The following BCORL1 variants were observed in gnomAD, a reference collection of about 807,000 sequenced individuals.
BCORL1 encodes the protein BCL6 corepressor like 1, also known as BCL-6 corepressor-like protein 1.
A neutral mutation model predicts 87.6 loss-of-function variants in BCORL1; 7 were observed. The observed-to-expected ratio is 0.08, with a 90% CI of 0.05 to 0.15. BCORL1 has a LOEUF of 0.15. BCORL1 is among the 10% of genes least tolerant of loss of function. The pLI is 1.00. For missense variants in BCORL1, 1,215 were observed against 1,499.7 expected (o/e 0.81, Z 3.13); for synonymous variants, 591 against 634.4 (o/e 0.93, Z 1.03).
At chrX:130,041,952 G>C (rs1270814909) in intron 11 of BCORL1, among the ~76,000 whole-genome samples, 1 of 111,637 alleles carries the variant, frequency 9.0e-6, no homozygotes, top group Non-Finnish European at 1.9e-5. Context: ...CTTAACTCTA[G>C]TACTTCACAT....
At chrX:130,029,030 A>G (rs1271156930) in intron 8 of BCORL1, among the ~76,000 whole-genome samples, 169 bp downstream of exon 8, 1 of 111,501 alleles carries the variant, frequency 9.0e-6, no homozygotes, top group Non-Finnish European at 1.9e-5. Flanking sequence ...AACTAAAGTT[A>G]TAGTTAATTT....
At position 130,014,929 on chromosome X, in the gene BCORL1, A is replaced by T. The variant is rs372363046; in HGVS notation, c.2157A>T (p.Gly719=). 2 of 1,209,414 alleles carry T rather than the reference A, an allele frequency of 1.7e-6. No homozygotes were observed. Among genetic ancestry groups the T allele is most frequent in the Non-Finnish European group, 2.2e-6 (2 of 895,022 alleles). ...GCACCATTCCTGGCACCTACGTGGG[A>T]GTGGCCAACCCAGTGCCTGCATCCC... ...LISTIPGTYV[G]VANPVPASLL... The change falls in exon 4 of 14, where the codon GGA becomes GGT. Residue 719 remains glycine, a synonymous_variant. Coordinates refer to ENST00000540052, the MANE Select transcript of BCORL1 (RefSeq NM_001379451.1).
At chrX:130,027,348 A>G (rs755357775) in intron 7 of BCORL1, among the ~76,000 whole-genome samples, 8 of 112,674 alleles carry the variant, frequency 7.1e-5, no homozygotes, top group Admixed American at 1.9e-4. Flanking sequence ...TGGACAGGCT[A>G]TGGGGCCCCA....
rs772274388 is a variant in BCORL1 at position 129,987,115 on chromosome X, T to C, written c.-45+4353T>C. Among the ~76,000 whole-genome samples, 6 of 111,952 alleles carry C rather than the reference T, an allele frequency of 5.4e-5. No individual in the cohort carries two copies. The Admixed American group carries it at 5.7e-4, about 11-fold the overall frequency. On this transcript the variant is annotated intron_variant, in intron 1 of 13. Coordinates refer to ENST00000540052, the MANE Select transcript of BCORL1 (RefSeq NM_001379451.1). ...TCAAACCTTGAAATCTCTAGGACAA[T>C]GTTTTCCAAAGTAAACTTTGAAGAA...
At chrX:130,048,961 C>T (rs1931917441) in intron 11 of BCORL1, among the ~76,000 whole-genome samples, 1 of 112,211 alleles carries the variant, frequency 8.9e-6, no homozygotes, top group African/African-American at 3.2e-5. Flanking sequence ...ATATGGGTAG[C>T]ATGTGTCAGA....
At chrX:130,043,782 A>AT (rs1194795876) in intron 11 of BCORL1, among the ~76,000 whole-genome samples, 12 of 20,164 alleles carry the variant, frequency 6.0e-4, no homozygotes, top group African/African-American at 2.1e-3. Flanking sequence ...ATATATATAT[A>AT]TATTTTTTTT....
rs772186754 is a variant in BCORL1 at position 130,046,955 on chromosome X, A to G, written c.4841-3762A>G. 1.1e-4 allele frequency among the ~76,000 whole-genome samples: 10 copies of G among 91,758 alleles called. No homozygotes were observed. In the East Asian group the frequency reaches 3.3e-3, roughly 30 times the overall value. The allele number at this position is 91,758 out of a possible 115,157, so 79.7% of individuals were successfully genotyped here. A position where few individuals can be genotyped will look rare whatever the true frequency, so the allele number is the denominator to read the frequency against. Reference sequence around the variant, plus strand: ...CCCAACCACTAATCTTTCTGTCTCTATGGATTTCCCTATTCTAGACACTTC... The same window carrying G: ...CCCAACCACTAATCTTTCTGTCTCTGTGGATTTCCCTATTCTAGACACTTC... On this transcript the variant is annotated intron_variant, in intron 11 of 13. Coordinates refer to ENST00000540052, the MANE Select transcript of BCORL1 (RefSeq NM_001379451.1).
chrX:130,009,616 C>T (rs768664224), intron 2 of BCORL1, among the ~76,000 whole-genome samples: 17 of 110,350 alleles, frequency 1.5e-4, no homozygotes, highest in Non-Finnish European at 2.1e-4. Context: ...ATTTCTCTTA[C>T]GGGTAGTCTG....
rs997754231 is a variant in BCORL1, at chrX:130,012,839, A to T, written c.178-111A>T. 2.4e-5 allele frequency: 27 copies of T among 1,103,334 alleles called. No individual in the cohort carries two copies. In the East Asian group the frequency reaches 3.0e-4, roughly 12 times the overall value. 90.9% of individuals were successfully genotyped at this position (1,103,334 alleles called of 1,213,427 possible). A position where few individuals can be genotyped will look rare whatever the true frequency, so the allele number is the denominator to read the frequency against. ...CTGGCTGCCCTCTGCGTCTTCCGAG[A>T]CCTGGTTGGTCGAGTTGCAGAGAAG... On this transcript the variant is annotated intron_variant, in intron 3 of 13. Coordinates refer to ENST00000540052, the MANE Select transcript of BCORL1 (RefSeq NM_001379451.1).
Position 130,013,974 on chromosome X carries a change from C to T in BCORL1, c.1202C>T (p.Thr401Met), listed in dbSNP as rs867980318. ...TPAPTPMPAATPAAIPTSAPI... is the reference protein window; with the variant it reads ...TPAPTPMPAAMPAAIPTSAPI... ...GCCCCTACACCCATGCCTGCTGCCACGCCAGCTGCCATTCCCACCTCTGCA... is the reference window on the plus strand; with the variant it reads ...GCCCCTACACCCATGCCTGCTGCCATGCCAGCTGCCATTCCCACCTCTGCA... The change falls in exon 4 of 14, where the codon ACG becomes ATG. Residue 401 changes from threonine (T) to methionine (M), a missense_variant. Thr to Met is a moderately conservative substitution (Grantham distance 81). Coordinates refer to ENST00000540052, the MANE Select transcript of BCORL1 (RefSeq NM_001379451.1). 1.7e-5 allele frequency: 20 copies of T among 1,206,737 alleles called. No homozygotes were observed. The Middle Eastern group carries it at 1.8e-3, about 111-fold the overall frequency.
Position 130,013,835 on chromosome X carries a change from GTGCCCA to G in BCORL1, c.1070_1075del (p.Met357_Pro358del). On this transcript the variant is annotated inframe_deletion, in exon 4 of 14. Transcript: ENST00000540052. Reference sequence around the variant, plus strand: ...TCCAGCGGCCCCTGCCCCTCCGTCTGTGCCCATGCCCACTCCAACCCCATCTTCCGG... The same window carrying G: ...TCCAGCGGCCCCTGCCCCTCCGTCTGTGCCCACTCCAACCCCATCTTCCGG... The G allele has an allele frequency of 8.6e-7, 1 of 1,167,431 alleles. No homozygotes were observed. The highest frequency in any genetic ancestry group is 1.1e-6 in the Non-Finnish European group (1 of 873,754).
At chrX:129,998,681 A>G (rs775301678) in intron 1 of BCORL1, among the ~76,000 whole-genome samples, 29 of 111,820 alleles carry the variant, frequency 2.6e-4, no homozygotes, top group Non-Finnish European at 3.8e-5. Flanking sequence ...GCATTCACGC[A>G]GTCAGGAGTC....
chrX:130,007,634 A>G (rs751323697), intron 2 of BCORL1, among the ~76,000 whole-genome samples: 2 of 111,725 alleles, frequency 1.8e-5, no homozygotes, highest in African/African-American at 6.5e-5. Context: ...CGTCTCTACT[A>G]AAAATACAAA....
chrX:130,027,033 C>G (rs1468601621), intron 7 of BCORL1, among the ~76,000 whole-genome samples: 1 of 113,297 alleles, frequency 8.8e-6, no homozygotes, highest in East Asian at 2.8e-4. Flanking sequence ...GGCAGAGCCA[C>G]TTCCACTCAC....
intron 1 of BCORL1, among the ~76,000 whole-genome samples, chrX:129,995,307 C>T (rs1297007572): frequency 9.0e-6 from 1 of 110,786 alleles, no homozygotes; most frequent in Admixed American, 9.6e-5. Flanking sequence ...CGTCTGGCCT[C>T]TCTATGGGAC....
At chrX:130,007,534 G>A (rs1444683575) in intron 2 of BCORL1, among the ~76,000 whole-genome samples, 1 of 112,749 alleles carries the variant, frequency 8.9e-6, no homozygotes, top group Non-Finnish European at 1.9e-5. Flanking sequence ...TGTGGCTTAT[G>A]CCTGTAATCC....
intron 5 of BCORL1, among the ~76,000 whole-genome samples, chrX:130,021,663 G>A (rs1280775688): frequency 2.7e-5 from 3 of 111,654 alleles, no homozygotes; most frequent in Non-Finnish European, 3.8e-5. Context: ...TAACCTGTCC[G>A]TTTTGCCACT....
chrX:129,995,126 C>T (rs1362035317), intron 1 of BCORL1, among the ~76,000 whole-genome samples: 1 of 110,833 alleles, frequency 9.0e-6, no homozygotes, highest in Non-Finnish European at 1.9e-5. Context: ...CTGCCTCGGC[C>T]TCCTGAGTAG....
chrX:130,013,042 C>G lies in BCORL1; in HGVS notation c.270C>G (p.Asp90Glu), dbSNP rs150631012. Residue 90 changes from aspartate (D) to glutamate (E), a missense_variant, in exon 4 of 14, where the codon GAC becomes GAG. Transcript: ENST00000540052. Reference protein sequence around the residue: ...ATEKLGHKSEDKPDDPQPKMD... With the variant: ...ATEKLGHKSEEKPDDPQPKMD... ...AAAAACTTGGGCACAAGTCAGAAGA[C>G]AAGCCTGACGATCCCCAGCCAAAAA... is the stretch of plus-strand genomic sequence containing the variant. 19 of 1,209,763 alleles carry G rather than the reference C, an allele frequency of 1.6e-5. No individual in the cohort carries two copies. The African/African-American group carries it at 3.0e-4, about 19-fold the overall frequency.
Sources: gnomAD v4.1 joint callset for allele counts (sites outside exome capture counted in the v4.1 genomes callset) on GRCh38, gnomAD v4.1.1 for gene constraint, MANE v1.5 for transcripts, NCBI Gene and HGNC (gene_info 2026-07-23, HGNC 2026-07-21) for gene names.